Variants in ST7 observed in about 807,000 individuals in gnomAD.
ST7 encodes suppression of tumorigenicity 7, also known as suppressor of tumorigenicity 7 protein.
Under a neutral mutation model 78.7 loss-of-function variants are expected in ST7, and 28 were observed. The observed-to-expected ratio is 0.36, with a 90% CI of 0.26 to 0.49. The LOEUF (loss-of-function observed/expected upper bound fraction) is 0.49, where lower values mean the gene tolerates loss of function less well. Ranked by LOEUF, ST7 falls within the 20% of genes least tolerant of loss-of-function variation. The pLI, the probability that ST7 is intolerant of heterozygous loss-of-function variation, is 0.99. For missense variants in ST7, 418 were observed against 696.0 expected, an observed-to-expected ratio of 0.60 and a Z score of 4.49; for synonymous variants, 247 against 249.6, an observed-to-expected ratio of 0.99 and a Z score of 0.10.
intron 1 of ST7, among the ~76,000 whole-genome samples, chr7:117,051,898 T>C (rs2116372637): frequency 6.6e-6 from 1 of 152,272 alleles, no homozygotes; most frequent in Non-Finnish European, 1.5e-5. Context: ...GAGAAGGACA[T>C]GCAACAAAGG....
chr7:117,080,680 C>T (rs1215290052), intron 1 of ST7, among the ~76,000 whole-genome samples: 2 of 152,108 alleles, frequency 1.3e-5, no homozygotes, highest in Non-Finnish European at 2.9e-5. Flanking sequence ...AGAAAGAACC[C>T]ATCAGATTTT....
chr7:117,133,677 A>T (rs1295800013), intron 6 of ST7, among the ~76,000 whole-genome samples: 2 of 150,128 alleles, frequency 1.3e-5, no homozygotes, highest in Non-Finnish European at 3.0e-5. Context: ...ATTTTGTTTT[A>T]TTATTATTAT....
At chr7:117,054,912 T>C (rs183737914) in intron 1 of ST7, among the ~76,000 whole-genome samples, 3 of 152,310 alleles carry the variant, frequency 2.0e-5, no homozygotes. Context: ...ATTAGGAATA[T>C]TAGGCATTGT....
At position 117,211,299 on chromosome 7, in the gene ST7, C is replaced by T. The variant is rs576996712; in HGVS notation, c.1405+1362C>T. 3.6e-4 allele frequency among the ~76,000 whole-genome samples: 55 copies of T among 152,342 alleles called. 1 individual carries two copies. In the South Asian group the frequency reaches 8.7e-3, roughly 24 times the overall value. ...GCACACTCCAGGTGCCTGCGTGGCA[C>T]CAGCAACTGTATTTAAATGGGTTAA... On this transcript the variant is annotated intron_variant, in intron 13 of 15. Transcript: ENST00000323984.
At chr7:117,149,818 T>C (rs936282635) in intron 9 of ST7, among the ~76,000 whole-genome samples, 1 of 152,078 alleles carries the variant, frequency 6.6e-6, no homozygotes, top group East Asian at 1.9e-4. Context: ...CCAAAAAGCT[T>C]TTGGAGGCTG....
intron 1 of ST7, among the ~76,000 whole-genome samples, chr7:117,096,566 A>T (rs1801060735): frequency 6.6e-6 from 1 of 152,182 alleles, no homozygotes; most frequent in Non-Finnish European, 1.5e-5. Context: ...TAAAAGCATG[A>T]GCTTGGGGGC....
chr7:117,010,008 G>T (rs1343219484), intron 1 of ST7, among the ~76,000 whole-genome samples: 4 of 152,174 alleles, frequency 2.6e-5, no homozygotes, highest in African/African-American at 9.7e-5. Context: ...TGAAGGTTTG[G>T]AGTTTGGTTA....
intron 1 of ST7, among the ~76,000 whole-genome samples, chr7:117,000,559 G>A (rs1190726392): frequency 1.3e-5 from 2 of 152,198 alleles, no homozygotes; most frequent in Non-Finnish European, 2.9e-5. Context: ...CCTGTTTAGA[G>A]GTTAGGCCTA....
rs760541454 is a variant in ST7, at chr7:117,229,740, T to C, written c.1639-22T>C. 16 of 1,593,870 alleles carry C rather than the reference T, an allele frequency of 1.0e-5. No individual in the cohort carries two copies. The South Asian group carries it at 1.2e-4, about 12-fold the overall frequency. On this transcript the variant is annotated intron_variant, in intron 15 of 15. Coordinates refer to ENST00000323984, the MANE Select transcript of ST7 (RefSeq NM_001369598.1). ...TGAACAAGGTTTCTGCTGACTTCTG[T>C]GTCTGTCTGGTTTCTTTGCAGTTCC...
intron 1 of ST7, among the ~76,000 whole-genome samples, chr7:116,993,743 A>G (rs1794527373): frequency 6.6e-6 from 1 of 152,228 alleles, no homozygotes; most frequent in Admixed American, 6.5e-5. Flanking sequence ...GGGGAAATAG[A>G]GTTTATTTAG....
At chr7:117,166,450 A>ATT (rs58969985) in intron 9 of ST7, among the ~76,000 whole-genome samples, 5 of 145,082 alleles carry the variant, frequency 3.4e-5, no homozygotes, top group East Asian at 4.0e-4. Flanking sequence ...AGTTGCTTGC[A>ATT]TTTTTTTTTT....
chr7:117,167,652 G>A (rs1482155059), intron 9 of ST7, among the ~76,000 whole-genome samples: 2 of 151,894 alleles, frequency 1.3e-5, no homozygotes, highest in African/African-American at 4.8e-5. Context: ...TAGAGATCAG[G>A]GTGTTTAAGA....
intron 1 of ST7, among the ~76,000 whole-genome samples, chr7:116,979,958 C>CTCTTTTTTTTTTT (rs1554421171): frequency 1.2e-5 from 1 of 86,240 alleles, no homozygotes; most frequent in African/African-American, 4.4e-5. Flanking sequence ...TTTTGTTTCT[C>CTCTTTTTTTTTTT]TTTTTTTTTT....
chr7:117,065,461 G>A lies in ST7; in HGVS notation c.152-34301G>A, dbSNP rs544275371. Among the ~76,000 whole-genome samples the A allele has an allele frequency of 7.9e-5, 12 of 152,040 alleles. No homozygotes were observed. In the South Asian group the frequency reaches 1.0e-3, roughly 13 times the overall value. Reference sequence around the variant, plus strand: ...CCTGACCTCGTGATCTGCCTGCCTCGGCCTCCCAAATTGCTGGGATTACAG... The same window carrying A: ...CCTGACCTCGTGATCTGCCTGCCTCAGCCTCCCAAATTGCTGGGATTACAG... On this transcript the variant is annotated intron_variant, in intron 1 of 15. Coordinates refer to ENST00000323984, the MANE Select transcript of ST7 (RefSeq NM_001369598.1).
At chr7:117,121,154 A>G (rs1285407764) in intron 3 of ST7, among the ~76,000 whole-genome samples, 2 of 152,264 alleles carry the variant, frequency 1.3e-5, no homozygotes, top group Non-Finnish European at 1.5e-5. Flanking sequence ...TATTCACAGC[A>G]CCTGCAAAGT....
intron 3 of ST7, among the ~76,000 whole-genome samples, chr7:117,124,195 A>G (rs1357786456): frequency 1.3e-5 from 2 of 152,152 alleles, no homozygotes; most frequent in Non-Finnish European, 2.9e-5. Context: ...AAATTTTCAT[A>G]GCACTAGAAC....
intron 2 of ST7, chr7:117,112,735 G>A (rs1461994834): frequency 6.6e-6 from 1 of 152,226 alleles, no homozygotes; most frequent in Non-Finnish European, 1.5e-5. Context: ...ATTGGGGTGG[G>A]AAGCAGCCCA....
intron 1 of ST7, among the ~76,000 whole-genome samples, chr7:116,980,571 C>T (rs934403125): frequency 7.2e-5 from 11 of 152,164 alleles, no homozygotes; most frequent in Non-Finnish European, 1.6e-4. Flanking sequence ...ACAAGCTGAG[C>T]TCTTCCAGCT....
Position 117,113,350 on chromosome 7 carries a change from G to A in ST7, c.235-6211G>A, listed in dbSNP as rs551337967. On this transcript the variant is annotated intron_variant, in intron 2 of 15. Transcript: ENST00000323984. ...AAGGTGGATAGCAGCAGGGTGTAGCGGTTGATATTTTCATTTTAACAGACA... is the reference window on the plus strand; with the variant it reads ...AAGGTGGATAGCAGCAGGGTGTAGCAGTTGATATTTTCATTTTAACAGACA... 8.5e-5 allele frequency among the ~76,000 whole-genome samples: 13 copies of A among 152,238 alleles called. No individual in the cohort carries two copies. In the South Asian group the frequency reaches 1.5e-3, roughly 17 times the overall value.
Sources: gnomAD v4.1 joint callset for allele counts (sites outside exome capture counted in the v4.1 genomes callset) on GRCh38, gnomAD v4.1.1 for gene constraint, MANE v1.5 for transcripts, NCBI Gene and HGNC (gene_info 2026-07-23, HGNC 2026-07-21) for gene names.